Variants in EXOC4 observed in about 807,000 individuals in gnomAD.
EXOC4 encodes the protein SEC8-like 1.
EXOC4 carries 71 observed loss-of-function variants against 107.2 expected under a neutral mutation model. The observed-to-expected ratio is 0.66, with a 90% CI of 0.55 to 0.81. EXOC4 has a LOEUF of 0.81. Ranked by LOEUF, EXOC4 falls within the 30% of genes least tolerant of loss-of-function variation. The pLI is 0.00. For synonymous variants in EXOC4, 456 were observed against 441.2 expected, an observed-to-expected ratio of 1.03 and a Z score of -0.42; for missense variants, 1,108 against 1,189.6, an observed-to-expected ratio of 0.93 and a Z score of 1.01.
chr7:133,703,367 C>T (rs570243405), intron 10 of EXOC4, among the ~76,000 whole-genome samples: 10 of 152,228 alleles, frequency 6.6e-5, no homozygotes, highest in Admixed American at 1.3e-4. Context: ...GTAAGGATAC[C>T]TTCGTCACAT....
At chr7:133,927,869 G>A (rs923624560) in intron 13 of EXOC4, among the ~76,000 whole-genome samples, 1 of 152,142 alleles carries the variant, frequency 6.6e-6, no homozygotes, top group Non-Finnish European at 1.5e-5. Flanking sequence ...AGACTCAGCT[G>A]CAAACATATC....
intron 10 of EXOC4, among the ~76,000 whole-genome samples, chr7:133,810,500 A>G (rs891244639): frequency 6.6e-6 from 1 of 152,220 alleles, no homozygotes; most frequent in East Asian, 1.9e-4. Flanking sequence ...GCATATGTAC[A>G]TACATTTAGA....
intron 11 of EXOC4, among the ~76,000 whole-genome samples, chr7:133,833,617 C>A (rs1252191592): frequency 6.6e-6 from 1 of 152,164 alleles, no homozygotes; most frequent in Non-Finnish European, 1.5e-5. Flanking sequence ...GGCTGGAGAG[C>A]AGTAGTACAG....
chr7:133,468,140 A>G (rs1798777769), intron 7 of EXOC4, among the ~76,000 whole-genome samples: 1 of 152,206 alleles, frequency 6.6e-6, no homozygotes, highest in Non-Finnish European at 1.5e-5. Context: ...AATCATGAGT[A>G]GTTTGATCAG....
At chr7:133,910,278 T>G (rs990132955) in intron 12 of EXOC4, among the ~76,000 whole-genome samples, 1 of 152,214 alleles carries the variant, frequency 6.6e-6, no homozygotes, top group African/African-American at 2.4e-5. Flanking sequence ...ATAATTTTTT[T>G]CTTCTTGATC....
chr7:133,840,368 A>G (rs1433114593), intron 11 of EXOC4, among the ~76,000 whole-genome samples: 1 of 152,246 alleles, frequency 6.6e-6, no homozygotes, highest in Non-Finnish European at 1.5e-5. Flanking sequence ...TGGTAAAATC[A>G]TAAAGGATAG....
intron 10 of EXOC4, among the ~76,000 whole-genome samples, chr7:133,756,964 TGGGCA>T: frequency 6.6e-6 from 1 of 152,274 alleles, no homozygotes; most frequent in Admixed American, 6.5e-5. Flanking sequence ...AAGGGGAAAA[TGGGCA>T]AGGTCACGAT....
chr7:133,720,102 T>C (rs1795076985), intron 10 of EXOC4, among the ~76,000 whole-genome samples: 1 of 152,186 alleles, frequency 6.6e-6, no homozygotes, highest in Admixed American at 6.5e-5. Context: ...TCCTATCTCG[T>C]TAACTAGAAT....
rs1376305277 is a variant in EXOC4 at position 133,973,503 on chromosome 7, AG to A, written c.2207-23986del. On this transcript the variant is annotated intron_variant, in intron 14 of 17. Transcript: ENST00000253861. Reference sequence around the variant, plus strand: ...GTTCAGAGTAATTCACATATTCAGTAGGGCTACATTGCAGGGCTTACTATAG... The same window carrying A: ...GTTCAGAGTAATTCACATATTCAGTAGGCTACATTGCAGGGCTTACTATAG... 2.0e-5 allele frequency among the ~76,000 whole-genome samples: 3 copies of A among 152,324 alleles called. No homozygotes were observed. In the East Asian group the frequency reaches 5.8e-4, roughly 29 times the overall value.
At chr7:133,625,027 A>G (rs1286150784) in intron 9 of EXOC4, among the ~76,000 whole-genome samples, 1 of 152,228 alleles carries the variant, frequency 6.6e-6, no homozygotes, top group Non-Finnish European at 1.5e-5. Flanking sequence ...GTTCCCAGCA[A>G]ATTTCTAAAT....
chr7:133,264,391 A>G (rs1793666453), intron 1 of EXOC4, among the ~76,000 whole-genome samples: 1 of 152,170 alleles, frequency 6.6e-6, no homozygotes, highest in African/African-American at 2.4e-5. Context: ...ATCTCTTTGT[A>G]TTGTTAGGGG....
intron 10 of EXOC4, among the ~76,000 whole-genome samples, chr7:133,647,398 C>G (rs556203427): frequency 7.1e-4 from 108 of 152,150 alleles, no homozygotes; most frequent in Non-Finnish European, 1.2e-3. Context: ...GCTATGTTAT[C>G]AACACTTTGC....
At chr7:133,885,560 A>G (rs73156904) in intron 11 of EXOC4, among the ~76,000 whole-genome samples, 23,692 of 152,190 alleles carry the variant, frequency 0.16, 2,206 homozygotes, top group African/African-American at 0.25. Flanking sequence ...GCCTAGTGGA[A>G]GAGATAGCCA....
chr7:133,647,690 TTGACTC>T (rs928052343), intron 10 of EXOC4, among the ~76,000 whole-genome samples: 5 of 152,228 alleles, frequency 3.3e-5, no homozygotes, highest in Admixed American at 6.5e-5. Context: ...ATTAGGCTGT[TTGACTC>T]TGATAATCCA....
At chr7:133,410,078 C>G (rs763400784) in intron 7 of EXOC4, among the ~76,000 whole-genome samples, 4 of 152,090 alleles carry the variant, frequency 2.6e-5, no homozygotes, top group African/African-American at 4.8e-5. Flanking sequence ...CCCAGGCCTC[C>G]CTGCTTATCA....
At chr7:133,342,836 A>G (rs1345431076) in intron 5 of EXOC4, among the ~76,000 whole-genome samples, 1 of 151,978 alleles carries the variant, frequency 6.6e-6, no homozygotes, top group South Asian at 2.1e-4. Context: ...TGTATTTTGC[A>G]TATCTCTGAG....
intron 14 of EXOC4, among the ~76,000 whole-genome samples, chr7:133,983,912 C>A (rs78996355): frequency 1.3e-5 from 2 of 152,140 alleles, no homozygotes; most frequent in African/African-American, 2.4e-5. Flanking sequence ...CTTTCATATC[C>A]GGCAGGAGCT....
intron 2 of EXOC4, among the ~76,000 whole-genome samples, chr7:133,277,546 A>G (rs1159175263): frequency 1.3e-5 from 2 of 152,184 alleles, no homozygotes; most frequent in African/African-American, 4.8e-5. Context: ...ATCATTTCAC[A>G]TTTGTTTTAG....
intron 14 of EXOC4, among the ~76,000 whole-genome samples, chr7:133,943,772 A>ATT (rs35327156): frequency 6.6e-6 from 1 of 151,760 alleles, no homozygotes; most frequent in Non-Finnish European, 1.5e-5. Flanking sequence ...TCATTTAGTG[A>ATT]TTTTTAGAAA....
Sources: gnomAD v4.1 joint callset for allele counts (sites outside exome capture counted in the v4.1 genomes callset) on GRCh38, gnomAD v4.1.1 for gene constraint, MANE v1.5 for transcripts, NCBI Gene and HGNC (gene_info 2026-07-23, HGNC 2026-07-21) for gene names.